The following MYH10 variants were observed in gnomAD, a reference collection of about 807,000 sequenced individuals.
MYH10 encodes myosin-10.
MYH10 carries 55 observed loss-of-function variants against 257.8 expected under a neutral mutation model. That is an observed-to-expected ratio of 0.21 (90% CI 0.17 to 0.27). The LOEUF (loss-of-function observed/expected upper bound fraction) is 0.27, where lower values mean the gene tolerates loss of function less well. MYH10 is among the 10% of genes least tolerant of loss of function. MYH10 has a pLI of 1.00. For synonymous variants in MYH10, 854 were observed against 921.7 expected (o/e 0.93, Z 1.33); for missense variants, 1,631 against 2,500.6 (o/e 0.65, Z 7.42).
At chr17:8,585,703 C>T (rs80133254) in intron 4 of MYH10, among the ~76,000 whole-genome samples, 4 of 151,674 alleles carry the variant, frequency 2.6e-5, no homozygotes, top group African/African-American at 9.7e-5. Flanking sequence ...TAGGTAAGTA[C>T]GGGGGGACAG....
chr17:8,502,818 G>A (rs1028643350), intron 28 of MYH10, among the ~76,000 whole-genome samples: 15 of 152,144 alleles, frequency 9.9e-5, no homozygotes, highest in African/African-American at 3.1e-4. Flanking sequence ...TTAGTTTTTT[G>A]CAAGGGTTGG....
chr17:8,620,448 A>C (rs2085421198), intron 2 of MYH10, among the ~76,000 whole-genome samples: 1 of 149,998 alleles, frequency 6.7e-6, no homozygotes, highest in Non-Finnish European at 1.5e-5. Flanking sequence ...TTTATTAGGA[A>C]AGAAGATGAA....
chr17:8,489,903 C>G (rs995806489), intron 35 of MYH10, among the ~76,000 whole-genome samples: 1 of 152,126 alleles, frequency 6.6e-6, no homozygotes, highest in African/African-American at 2.4e-5. Flanking sequence ...TGGATAGCAA[C>G]TTTATAAAAG....
At chr17:8,522,802 A>G (rs575403299) in intron 17 of MYH10, among the ~76,000 whole-genome samples, 1 of 152,282 alleles carries the variant, frequency 6.6e-6, no homozygotes, top group East Asian at 1.9e-4. Context: ...AACACTACTC[A>G]GGCAATGACT....
intron 4 of MYH10, among the ~76,000 whole-genome samples, chr17:8,578,080 C>T (rs2083566590): frequency 6.6e-6 from 1 of 152,150 alleles, no homozygotes; most frequent in African/African-American, 2.4e-5. Flanking sequence ...TATTGATACT[C>T]ATCTTCAAAG....
At chr17:8,602,991 A>T (rs2152073366) in intron 3 of MYH10, among the ~76,000 whole-genome samples, 1 of 152,328 alleles carries the variant, frequency 6.6e-6, no homozygotes, top group South Asian at 2.1e-4. Flanking sequence ...TATCTTCCTC[A>T]TTCTGTTTAC....
At chr17:8,489,847 C>T (rs1227410873) in intron 35 of MYH10, among the ~76,000 whole-genome samples, 2 of 152,082 alleles carry the variant, frequency 1.3e-5, no homozygotes, top group Admixed American at 1.3e-4. Flanking sequence ...AACATATATG[C>T]AGAAAAGTGT....
At chr17:8,492,257 C>T (rs771164442) in intron 34 of MYH10, 40 bp downstream of exon 34, 1 of 1,591,572 alleles carries the variant, frequency 6.3e-7, no homozygotes. Flanking sequence ...CCCTGGGATA[C>T]TCTCCCGTGC....
rs1912211348 is a variant in MYH10, at chr17:8,474,650, TTG to T, written c.*1152_*1153del. ...ATAGAGGCGAATGATATATTCAACA[TTG>T]TCTTAGTACTGTAGTGTCTAAGGCA... On this transcript the variant is annotated 3_prime_UTR_variant, in exon 43 of 43. Coordinates refer to ENST00000360416, the MANE Select transcript of MYH10 (RefSeq NM_001256012.3). The T allele has an allele frequency of 6.6e-6, 1 of 152,656 alleles. No homozygotes were observed. The highest frequency in any genetic ancestry group is 2.4e-5 in the African/African-American group (1 of 41,460). The allele number at this position is 152,656 out of a possible 1,614,324, so 9.5% of individuals were successfully genotyped here.
rs777678720 is a variant in MYH10, at chr17:8,504,951, G to A, written c.3387-45C>T. ...CAAGAGGCACTCAGAGATGGCACCC[G>A]GATGGCCTGTTTCTCAGGCGAGCCC... On this transcript the variant is annotated intron_variant, in intron 27 of 42. Coordinates refer to ENST00000360416, the MANE Select transcript of MYH10 (RefSeq NM_001256012.3). The surrounding 1 kb of genome is among the most constrained non-coding windows in gnomAD (Gnocchi z 5.6). 5.2e-6 allele frequency: 8 copies of A among 1,549,426 alleles called. No individual in the cohort carries two copies. The highest frequency in any genetic ancestry group is 1.7e-5 in the Admixed American group (1 of 59,678).
At chr17:8,539,752 T>A (rs1279739796) in intron 14 of MYH10, among the ~76,000 whole-genome samples, 1 of 151,932 alleles carries the variant, frequency 6.6e-6, no homozygotes, top group East Asian at 1.9e-4. Flanking sequence ...CATACCTGGC[T>A]AATTTTAAAA....
At position 8,512,460 on chromosome 17, in the gene MYH10, T is replaced by G; in HGVS notation, c.2943A>C (p.Ala981=). The G allele has an allele frequency of 6.2e-7, 1 of 1,611,406 alleles. No homozygotes were observed. The highest frequency in any genetic ancestry group is 8.5e-7 in the Non-Finnish European group (1 of 1,178,526). ...ILQNEKKKMQ[A]HIQDLEEQLD... Reference sequence around the variant, plus strand: ...AAATTATTATACATACCTGAATATGTGCTTGCATTTTTTTCTTTTCATTTT... The same window carrying G: ...AAATTATTATACATACCTGAATATGGGCTTGCATTTTTTTCTTTTCATTTT... The change falls in exon 24 of 43, where the codon GCA becomes GCC. Residue 981 remains alanine, a synonymous_variant. Coordinates refer to ENST00000360416, the MANE Select transcript of MYH10 (RefSeq NM_001256012.3).
chr17:8,538,509 C>T (rs1392671768), intron 14 of MYH10, among the ~76,000 whole-genome samples: 1 of 152,202 alleles, frequency 6.6e-6, no homozygotes, highest in African/African-American at 2.4e-5. Flanking sequence ...TGTGCCTGGC[C>T]ATGTTTTTAT....
intron 1 of MYH10, among the ~76,000 whole-genome samples, chr17:8,628,691 ATC>A (rs1376207658): frequency 6.6e-6 from 1 of 152,134 alleles, no homozygotes; most frequent in Non-Finnish European, 1.5e-5. Context: ...GGCCTGCCCC[ATC>A]TCCCAATTAA....
intron 40 of MYH10, among the ~76,000 whole-genome samples, chr17:8,478,994 A>G (rs1354960662): frequency 6.6e-6 from 1 of 152,184 alleles, no homozygotes; most frequent in Non-Finnish European, 1.5e-5. Flanking sequence ...GGCCTCCCAA[A>G]GTGCTGGGAT....
At chr17:8,572,424 G>A (rs1272478632) in intron 6 of MYH10, among the ~76,000 whole-genome samples, 3 of 152,128 alleles carry the variant, frequency 2.0e-5, no homozygotes, top group Non-Finnish European at 2.9e-5. Flanking sequence ...GAGGTTCCAC[G>A]GGTGTCCAAC....
chr17:8,489,708 AACACAC>A (rs59065540), intron 35 of MYH10, among the ~76,000 whole-genome samples: 3 of 93,084 alleles, frequency 3.2e-5, no homozygotes, highest in African/African-American at 1.1e-4. Context: ...CGTCTGAAAA[AACACAC>A]ACACACACAC....
At chr17:8,511,741 C>T (rs1191549971) in intron 24 of MYH10, among the ~76,000 whole-genome samples, 1 of 152,148 alleles carries the variant, frequency 6.6e-6, no homozygotes, top group African/African-American at 2.4e-5. Context: ...TAATAAGCCC[C>T]ACACAGAAGC....
At chr17:8,622,283 C>A (rs73238715) in intron 2 of MYH10, among the ~76,000 whole-genome samples, 8,013 of 152,184 alleles carry the variant, frequency 0.053, 701 homozygotes, top group African/African-American at 0.18. Context: ...CATTATCCCT[C>A]TCTACATTAT....
Sources: allele counts gnomAD v4.1 joint callset (sites outside exome capture counted in the v4.1 genomes callset), GRCh38; gene constraint gnomAD v4.1.1; non-coding constraint Gnocchi (gnomAD v3.1); transcripts MANE v1.5; gene names NCBI Gene and HGNC (gene_info 2026-07-23, HGNC 2026-07-21).